The following HOXD13 variants were observed in gnomAD, a reference collection of about 807,000 sequenced individuals.
HOXD13 encodes homeobox D13.
HOXD13 carries 16 observed loss-of-function variants against 27.3 expected under a neutral mutation model. The ratio of observed to expected loss-of-function variants is 0.59; its 90% CI spans 0.40 to 0.89. The LOEUF (loss-of-function observed/expected upper bound fraction) is 0.89, where lower values mean the gene tolerates loss of function less well. Ranked by LOEUF, HOXD13 falls within the 40% of genes least tolerant of loss-of-function variation. The pLI is 0.00. For synonymous variants in HOXD13, 241 were observed against 219.0 expected, an observed-to-expected ratio of 1.10 and a Z score of -0.89; for missense variants, 481 against 482.6, an observed-to-expected ratio of 1.00 and a Z score of 0.03.
At chr2:176,088,653 G>A (rs116679102), upstream of HOXD13, among the ~76,000 whole-genome samples, 28 of 152,274 alleles carry the variant, frequency 1.8e-4, no homozygotes, top group African/African-American at 6.5e-4. Flanking sequence ...TGGACTCTGC[G>A]GAATGGAGAT....
upstream of HOXD13, among the ~76,000 whole-genome samples, chr2:176,091,813 C>T (rs1689323436): frequency 2.0e-5 from 3 of 151,522 alleles, no homozygotes; most frequent in Admixed American, 2.0e-4. Flanking sequence ...AATGCGAGGC[C>T]GGTCGGCTGC....
chr2:176,092,599 G>T (rs1246138407), upstream of HOXD13, among the ~76,000 whole-genome samples: 1 of 152,128 alleles, frequency 6.6e-6, no homozygotes, highest in Non-Finnish European at 1.5e-5. Flanking sequence ...CCACGTGGCC[G>T]CGCGCAGCCA....
At position 176,093,454 on chromosome 2, in the gene HOXD13, G is replaced by A. The variant is rs1449912804; in HGVS notation, c.564G>A (p.Lys188=). Residue 188 remains lysine, a synonymous_variant, in exon 1 of 2, where the codon AAG becomes AAA. Transcript: ENST00000392539. ...CCAACGAGGTGCCAGCGCGAGCCAA[G>A]GAGGTATCCTTCTACCAGGGCTATA... The part of the protein sequence containing the change: ...VPANEVPARA[K]EVSFYQGYTS... 11 of 1,613,982 alleles carry A rather than the reference G, an allele frequency of 6.8e-6. No homozygotes were observed. Among genetic ancestry groups the A allele is most frequent in the African/African-American group, 2.7e-5 (2 of 74,958 alleles).
chr2:176,093,138 C>T lies in HOXD13; in HGVS notation c.248C>T (p.Thr83Met), dbSNP rs369711414. 6.9e-6 allele frequency: 11 copies of T among 1,605,040 alleles called. No individual in the cohort carries two copies. The highest frequency in any genetic ancestry group is 4.5e-5 in the East Asian group (2 of 44,814). ...GFAYPGTSER[T>M]GSSSSSSSSA... ...GCGTACCCCGGGACCTCTGAGCGCACGGGCTCTTCCTCGTCGTCGTCCTCT... is the reference window on the plus strand; with the variant it reads ...GCGTACCCCGGGACCTCTGAGCGCATGGGCTCTTCCTCGTCGTCGTCCTCT... The change falls in exon 1 of 2, where the codon ACG becomes ATG. Residue 83 changes from threonine (T) to methionine (M), a missense_variant. Coordinates refer to ENST00000392539, the MANE Select transcript of HOXD13 (RefSeq NM_000523.4).
chr2:176,095,700 C>A lies in HOXD13; in HGVS notation c.*970C>A. ...CTAAACAAGGGGGCCTCGCATGGAG[C>A]TGTAAAGCATCTAACAAATATGAAA... On this transcript the variant is annotated 3_prime_UTR_variant, in exon 2 of 2. Coordinates refer to ENST00000392539, the MANE Select transcript of HOXD13 (RefSeq NM_000523.4). The A allele has an allele frequency of 4.4e-6, 1 of 226,526 alleles. No homozygotes were observed. Among genetic ancestry groups the A allele is most frequent in the Non-Finnish European group, 8.8e-6 (1 of 113,976 alleles). 14.0% of individuals were successfully genotyped at this position (226,526 alleles called of 1,614,324 possible).
chr2:176,095,038 A>G lies in HOXD13; in HGVS notation c.*308A>G, dbSNP rs1689392451. On this transcript the variant is annotated 3_prime_UTR_variant, in exon 2 of 2. Coordinates refer to ENST00000392539, the MANE Select transcript of HOXD13 (RefSeq NM_000523.4). Reference sequence around the variant, plus strand: ...AAGGGACTTGAAGTATTTTTTAATAATCCGCCCCCCAATGAACTTCAGAAG... The same window carrying G: ...AAGGGACTTGAAGTATTTTTTAATAGTCCGCCCCCCAATGAACTTCAGAAG... 2.6e-6 allele frequency: 1 copy of G among 387,774 alleles called. No individual in the cohort carries two copies. The highest frequency in any genetic ancestry group is 4.7e-6 in the Non-Finnish European group (1 of 211,544). The allele number at this position is 387,774 out of a possible 1,614,324, so 24.0% of individuals were successfully genotyped here.
chr2:176,092,037 G>A (rs1251812077), upstream of HOXD13, among the ~76,000 whole-genome samples: 1 of 152,156 alleles, frequency 6.6e-6, no homozygotes, highest in Non-Finnish European at 1.5e-5. Context: ...TCACTGCGCC[G>A]ATGCCTGTCT....
At chr2:176,088,826 C>T (rs1689280371), upstream of HOXD13, among the ~76,000 whole-genome samples, 3 of 151,944 alleles carry the variant, frequency 2.0e-5, no homozygotes, top group Non-Finnish European at 4.4e-5. Context: ...TTTTATTTTC[C>T]AAAAAAAGGC....
At position 176,093,534 on chromosome 2, in the gene HOXD13, C is replaced by T. The variant is rs1689363716; in HGVS notation, c.644C>T (p.Ser215Phe). 6.2e-7 allele frequency: 1 copy of T among 1,613,892 alleles called. No individual in the cohort carries two copies. Residue 215 changes from serine (S) to phenylalanine (F), a missense_variant, in exon 1 of 2, where the codon TCC becomes TTC. Physicochemically the swap from Ser to Phe is radical, Grantham distance 155 (BLOSUM62 -2). Transcript: ENST00000392539. ...GYIDMVSTFG[S>F]GEPRHEAYIS... ...ATCGACATGGTGTCCACTTTCGGCTCCGGGGAGCCTCGGCACGAGGCCTAC... is the reference window on the plus strand; with the variant it reads ...ATCGACATGGTGTCCACTTTCGGCTTCGGGGAGCCTCGGCACGAGGCCTAC...
At position 176,094,234 on chromosome 2, in the gene HOXD13, C is replaced by T. The variant is rs72923425; in HGVS notation, c.782-246C>T. 0.042 allele frequency among the ~76,000 whole-genome samples: 6,451 copies of T among 152,184 alleles called. 212 individuals carry two copies. Among genetic ancestry groups the T allele is most frequent in the Middle Eastern group, 0.096 (28 of 292 alleles). Reference sequence around the variant, plus strand: ...TAAAATTGCAAGCTTGTTAAGATGCCGGTTTGAGAAACTATGATAATCAAT... The same window carrying T: ...TAAAATTGCAAGCTTGTTAAGATGCTGGTTTGAGAAACTATGATAATCAAT... On this transcript the variant is annotated intron_variant, in intron 1 of 1. Coordinates refer to ENST00000392539, the MANE Select transcript of HOXD13 (RefSeq NM_000523.4).
intron 1 of HOXD13, 76 bp downstream of exon 1, chr2:176,093,747 C>T (rs1219826467): frequency 1.0e-6 from 1 of 986,130 alleles, no homozygotes. Flanking sequence ...TAAGAGTATG[C>T]GCCCCTACTT....
upstream of HOXD13, among the ~76,000 whole-genome samples, chr2:176,088,677 G>A (rs943394667): frequency 1.3e-5 from 2 of 152,192 alleles, no homozygotes; most frequent in African/African-American, 2.4e-5. Flanking sequence ...TAGGTAGACA[G>A]ACATTTTCTT....
Position 176,093,192 on chromosome 2 carries a change from C to A in HOXD13, c.302C>A (p.Ala101Asp). Residue 101 changes from alanine (A) to aspartate (D), a missense_variant, in exon 1 of 2, where the codon GCT becomes GAT. Physicochemically the swap from Ala to Asp is moderately radical, Grantham distance 126. Coordinates refer to ENST00000392539, the MANE Select transcript of HOXD13 (RefSeq NM_000523.4). Reference sequence around the variant, plus strand: ...GCCGTTGTAGCGGCGCGCCCGGAGGCTCCCCCAGCCAAAGAGTGCCCAGCA... The same window carrying A: ...GCCGTTGTAGCGGCGCGCCCGGAGGATCCCCCAGCCAAAGAGTGCCCAGCA... The part of the protein sequence containing the change: ...SSAVVAARPE[A>D]PPAKECPAPT... The A allele has an allele frequency of 6.2e-7, 1 of 1,609,196 alleles. No homozygotes were observed. Among genetic ancestry groups the A allele is most frequent in the Non-Finnish European group, 8.5e-7 (1 of 1,179,556 alleles).
upstream of HOXD13, among the ~76,000 whole-genome samples, chr2:176,091,781 C>T (rs774297967): frequency 6.6e-6 from 1 of 151,714 alleles, no homozygotes; most frequent in Non-Finnish European, 1.5e-5. Context: ...GAGAAACGGG[C>T]GGGAGTGGGT....
Position 176,094,948 on chromosome 2 carries a change from G to A in HOXD13, c.*218G>A. The A allele has an allele frequency of 5.3e-6, 3 of 565,740 alleles. No homozygotes were observed. Among genetic ancestry groups the A allele is most frequent in the Admixed American group, 3.1e-5 (1 of 32,130 alleles). 35.0% of individuals were successfully genotyped at this position (565,740 alleles called of 1,614,324 possible). A position where few individuals can be genotyped will look rare whatever the true frequency, so the allele number is the denominator to read the frequency against. On this transcript the variant is annotated 3_prime_UTR_variant, in exon 2 of 2. Coordinates refer to ENST00000392539, the MANE Select transcript of HOXD13 (RefSeq NM_000523.4). ...TTTTTACTTGTTTATTATTGGTTTT[G>A]TTCTTGCCTAGGGTTTTTAAAATAT...
chr2:176,095,824 G>C lies in HOXD13; in HGVS notation c.*1094G>C. ...GTGCTGCATATTTATACAATTGAGA[G>C]ATTATTTTTGTAAATGCAATGTCTG... On this transcript the variant is annotated 3_prime_UTR_variant, in exon 2 of 2. Coordinates refer to ENST00000392539, the MANE Select transcript of HOXD13 (RefSeq NM_000523.4). 4.7e-6 allele frequency: 1 copy of C among 211,808 alleles called. No homozygotes were observed. Among genetic ancestry groups the C allele is most frequent in the Non-Finnish European group, 9.6e-6 (1 of 104,586 alleles). The allele number at this position is 211,808 out of a possible 1,614,324, so 13.1% of individuals were successfully genotyped here.
rs144577020 is a variant in HOXD13 at position 176,092,852 on chromosome 2, G to C, written c.-39G>C. The C allele has an allele frequency of 0.01, 12,311 of 1,180,036 alleles. 873 individuals are homozygous for C. In the African/African-American group the frequency reaches 0.16, roughly 15 times the overall value. 73.1% of individuals were successfully genotyped at this position (1,180,036 alleles called of 1,614,324 possible). On this transcript the variant is annotated 5_prime_UTR_variant, in exon 1 of 2. Coordinates refer to ENST00000392539, the MANE Select transcript of HOXD13 (RefSeq NM_000523.4). ...CGCGCCGCGCCATGGTGTCCTGCGCGGGGCCAGGGCCAGGGCCGGGGCCGG... is the reference window on the plus strand; with the variant it reads ...CGCGCCGCGCCATGGTGTCCTGCGCCGGGCCAGGGCCAGGGCCGGGGCCGG...
rs1689390095 is a variant in HOXD13 at position 176,094,871 on chromosome 2, C to G, written c.*141C>G. ...TTTGTGAATTGTTTTTCTCTCTTCC[C>G]CTTATCTGGCTCTAAAACCTTCTGC... On this transcript the variant is annotated 3_prime_UTR_variant, in exon 2 of 2. Transcript: ENST00000392539. The G allele has an allele frequency of 5.7e-6, 4 of 706,416 alleles. No individual in the cohort carries two copies. The Admixed American group carries it at 6.9e-5, about 12-fold the overall frequency. The allele number at this position is 706,416 out of a possible 1,614,324, so 43.8% of individuals were successfully genotyped here.
chr2:176,088,890 CA>C (rs1218049145), upstream of HOXD13, among the ~76,000 whole-genome samples: 1 of 152,220 alleles, frequency 6.6e-6, no homozygotes, highest in African/African-American at 2.4e-5. Flanking sequence ...GTCCCTTTCA[CA>C]GTGAGATTAG....
Sources: gnomAD v4.1 joint callset for allele counts (sites outside exome capture counted in the v4.1 genomes callset) on GRCh38, gnomAD v4.1.1 for gene constraint, MANE v1.5 for transcripts, NCBI Gene and HGNC (gene_info 2026-07-23, HGNC 2026-07-21) for gene names.